Variants in SEC63 observed in about 807,000 individuals in gnomAD.
SEC63 encodes SEC63 protein translocation regulator, also known as translocation protein SEC63 homolog.
Under a neutral mutation model 116.2 loss-of-function variants are expected in SEC63, and 56 were observed. That is an observed-to-expected ratio of 0.48 (90% CI 0.39 to 0.60). The LOEUF (loss-of-function observed/expected upper bound fraction) is 0.60, where lower values mean the gene tolerates loss of function less well. SEC63 is among the 20% of genes least tolerant of loss of function. The pLI is 0.00. For synonymous variants in SEC63, 273 were observed against 294.6 expected, an observed-to-expected ratio of 0.93 and a Z score of 0.75; for missense variants, 668 against 900.0, an observed-to-expected ratio of 0.74 and a Z score of 3.30.
In SEC63 at chr6:107,954,371, C is replaced by T. The variant is rs1477345087; in HGVS notation, c.124+3515G>A. 1.5e-4 allele frequency among the ~76,000 whole-genome samples: 23 copies of T among 149,926 alleles called. No homozygotes were observed. The East Asian group carries it at 3.7e-3, about 24-fold the overall frequency. ...CTCTGCCTAGGAAAACCAGAGACCT[C>T]TGTTCACTTGTTTATCTGCTGACCC... On this transcript the variant is annotated intron_variant, in intron 1 of 20. Transcript: ENST00000369002.
At position 107,868,189 on chromosome 6, in the gene SEC63, G is replaced by A. The variant is rs1444013609; in HGVS notation, c.*3515C>T. ...CAGTCTAAATAGAGGATTTCATGGAGTTAAATCAGACCGTTTGTGGGAAAA... is the reference window on the plus strand; with the variant it reads ...CAGTCTAAATAGAGGATTTCATGGAATTAAATCAGACCGTTTGTGGGAAAA... On this transcript the variant is annotated 3_prime_UTR_variant, in exon 21 of 21. Coordinates refer to ENST00000369002, the MANE Select transcript of SEC63 (RefSeq NM_007214.5). The A allele has an allele frequency of 6.6e-6, 1 of 150,838 alleles. No homozygotes were observed. Among genetic ancestry groups the A allele is most frequent in the African/African-American group, 2.4e-5 (1 of 40,856 alleles). The allele number at this position is 150,838 out of a possible 1,614,324, so 9.3% of individuals were successfully genotyped here.
chr6:107,902,290 ATTC>A (rs1392911413), intron 12 of SEC63, among the ~76,000 whole-genome samples: 225 of 151,582 alleles, frequency 1.5e-3, no homozygotes, highest in African/African-American at 5.3e-3. Context: ...TCCAATGTCT[ATTC>A]TCTGCTAGTT....
intron 18 of SEC63, among the ~76,000 whole-genome samples, chr6:107,880,509 T>G (rs1462053642): frequency 6.6e-6 from 1 of 152,202 alleles, no homozygotes; most frequent in African/African-American, 2.4e-5. Flanking sequence ...GATCGAAAGT[T>G]GAGCAGGCTG....
At chr6:107,880,141 C>T (rs529970232) in intron 18 of SEC63, among the ~76,000 whole-genome samples, 21 of 152,302 alleles carry the variant, frequency 1.4e-4, no homozygotes, top group African/African-American at 2.4e-4. Context: ...AAGATCAGCA[C>T]GTGCATTAAG....
intron 1 of SEC63, among the ~76,000 whole-genome samples, chr6:107,933,162 CAAGCT>C (rs918850904): frequency 1.8e-4 from 27 of 151,970 alleles, no homozygotes; most frequent in African/African-American, 6.0e-4. Context: ...GGAAGGGCCA[CAAGCT>C]AAAAAAATAC....
In SEC63 at chr6:107,901,525, A is replaced by T. The variant is rs1406308249; in HGVS notation, c.1210-8T>A. 6.8e-7 allele frequency: 1 copy of T among 1,470,678 alleles called. No homozygotes were observed. The highest frequency in any genetic ancestry group is 9.3e-7 in the Non-Finnish European group (1 of 1,074,552). 91.1% of individuals were successfully genotyped at this position (1,470,678 alleles called of 1,614,324 possible). On this transcript the variant is annotated splice_region_variant and splice_polypyrimidine_tract_variant and intron_variant, in intron 12 of 20. Transcript: ENST00000369002. ...GATAGTTTTAATTTTATACTGAATA[A>T]AAAAAAAAAAGAAAATACATAATTC...
At chr6:107,934,216 T>G (rs922525621) in intron 1 of SEC63, among the ~76,000 whole-genome samples, 2 of 148,336 alleles carry the variant, frequency 1.3e-5, no homozygotes, top group Non-Finnish European at 3.0e-5. Context: ...TCTGCCTGGC[T>G]GCCCAGTCTG....
At chr6:107,930,498 T>C (rs1438942403) in intron 1 of SEC63, among the ~76,000 whole-genome samples, 4 of 151,574 alleles carry the variant, frequency 2.6e-5, no homozygotes, top group East Asian at 2.0e-4. Flanking sequence ...TCCCAGCTAC[T>C]TGGGAGGCTG....
Position 107,958,157 on chromosome 6 carries a change from A to C in SEC63, c.-148T>G, listed in dbSNP as rs1770753156. 6.4e-6 allele frequency: 8 copies of C among 1,244,572 alleles called. No individual in the cohort carries two copies. The highest frequency in any genetic ancestry group is 7.9e-6 in the Non-Finnish European group (7 of 889,128). 77.1% of individuals were successfully genotyped at this position (1,244,572 alleles called of 1,614,324 possible). ...CCGCCCCCACGCCACTCTCACGGAC[A>C]CGCCGCCGCCACCTCTGCCGCTGCC... On this transcript the variant is annotated 5_prime_UTR_variant, in exon 1 of 21. Transcript: ENST00000369002.
At chr6:107,908,806 TTAAC>T (rs759116053) in intron 8 of SEC63, 117 bp downstream of exon 8, 23 of 586,468 alleles carry the variant, frequency 3.9e-5, no homozygotes, top group Middle Eastern at 4.5e-4. Context: ...ATTATATAAA[TTAAC>T]TATTTATAAA....
intron 18 of SEC63, among the ~76,000 whole-genome samples, chr6:107,878,365 T>C (rs1025833221): frequency 2.0e-5 from 3 of 152,254 alleles, no homozygotes; most frequent in Non-Finnish European, 4.4e-5. Flanking sequence ...GCAGTTATGA[T>C]TATTAGTGAC....
intron 18 of SEC63, 27 bp downstream of exon 18, chr6:107,881,118 TAAGG>T: frequency 7.0e-7 from 1 of 1,431,456 alleles, no homozygotes; most frequent in Non-Finnish European, 9.8e-7. Context: ...GTGAATGGAA[TAAGG>T]AACACAGTAG....
intron 1 of SEC63, among the ~76,000 whole-genome samples, chr6:107,950,472 T>C (rs1487275786): frequency 6.6e-6 from 1 of 152,186 alleles, no homozygotes; most frequent in Non-Finnish European, 1.5e-5. Context: ...GCACATACAT[T>C]GTTCAGAAGT....
intron 7 of SEC63, chr6:107,911,114 TGGG>T: frequency 3.7e-6 from 2 of 540,584 alleles, no homozygotes; most frequent in Non-Finnish European, 3.3e-6. Flanking sequence ...TTTTTTCAGT[TGGG>T]GTCTCACTCT....
chr6:107,952,457 A>G (rs954830094), intron 1 of SEC63, among the ~76,000 whole-genome samples: 1 of 152,086 alleles, frequency 6.6e-6, no homozygotes, highest in Admixed American at 6.5e-5. Flanking sequence ...AAAAACCTCA[A>G]TAAAGATTAG....
chr6:107,874,207 T>G (rs1786198007), intron 19 of SEC63, among the ~76,000 whole-genome samples: 1 of 151,978 alleles, frequency 6.6e-6, no homozygotes. Flanking sequence ...AGATGAATAA[T>G]GAGTAACCAA....
intron 1 of SEC63, among the ~76,000 whole-genome samples, chr6:107,940,124 A>G (rs1770343510): frequency 1.3e-5 from 2 of 152,084 alleles, no homozygotes; most frequent in South Asian, 4.1e-4. Flanking sequence ...TATCCACTAC[A>G]CATACTCTGG....
chr6:107,899,060 G>A (rs1039788863), intron 13 of SEC63, among the ~76,000 whole-genome samples: 1 of 152,150 alleles, frequency 6.6e-6, no homozygotes, highest in African/African-American at 2.4e-5. Context: ...AGCTGTATGT[G>A]CACAAGCAGG....
At chr6:107,900,826 A>T (rs1786984321) in intron 13 of SEC63, among the ~76,000 whole-genome samples, 1 of 152,218 alleles carries the variant, frequency 6.6e-6, no homozygotes, top group Non-Finnish European at 1.5e-5. Flanking sequence ...TTCTAAGACC[A>T]TTCAGATATT....
Sources: allele counts gnomAD v4.1 joint callset (sites outside exome capture counted in the v4.1 genomes callset), GRCh38; gene constraint gnomAD v4.1.1; transcripts MANE v1.5; gene names NCBI Gene and HGNC (gene_info 2026-07-23, HGNC 2026-07-21).